ITPKB: variants seen among roughly 807,000 people sequenced by gnomAD.
ITPKB encodes inositol-trisphosphate 3-kinase B, also known as IP3 3-kinase B.
A neutral mutation model predicts 69.4 loss-of-function variants in ITPKB; 13 were observed. That is an observed-to-expected ratio of 0.19 (90% confidence interval 0.12 to 0.30). The LOEUF is 0.30. Ranked by LOEUF, ITPKB falls within the 10% of genes least tolerant of loss-of-function variation. The pLI, the probability that ITPKB is intolerant of heterozygous loss-of-function variation, is 1.00. For synonymous variants in ITPKB, 584 were observed against 513.7 expected (o/e 1.14, Z -1.85); for missense variants, 1,240 against 1,250.5 (o/e 0.99, Z 0.13).
At position 226,634,667 on chromosome 1, in the gene ITPKB, C is replaced by G; in HGVS notation, c.*4G>C. On this transcript the variant is annotated 3_prime_UTR_variant, in exon 8 of 8. Coordinates refer to ENST00000429204, the MANE Select transcript of ITPKB (RefSeq NM_002221.4). The surrounding 1 kb of genome is among the most constrained non-coding windows in gnomAD (Gnocchi z 6.3). ...AGGCGGGGGCCAGGGAGGGCGTGGGCAGCTCAGGCGAGTGGGGCATCCTGG... is the reference window on the plus strand; with the variant it reads ...AGGCGGGGGCCAGGGAGGGCGTGGGGAGCTCAGGCGAGTGGGGCATCCTGG... The G allele has an allele frequency of 1.3e-6, 1 of 795,134 alleles. No homozygotes were observed. The highest frequency in any genetic ancestry group is 2.3e-6 in the Non-Finnish European group (1 of 431,754). The allele number at this position is 795,134 out of a possible 1,614,324, so 49.3% of individuals were successfully genotyped here.
intron 2 of ITPKB, among the ~76,000 whole-genome samples, chr1:226,651,511 T>C (rs1669194091): frequency 6.6e-6 from 1 of 152,134 alleles, no homozygotes; most frequent in African/African-American, 2.4e-5. Context: ...TGAAGTTACT[T>C]CAAGAATGGT....
intron 7 of ITPKB, among the ~76,000 whole-genome samples, chr1:226,636,996 G>T (rs1195870897): frequency 6.6e-6 from 1 of 152,048 alleles, no homozygotes; most frequent in African/African-American, 2.4e-5. Context: ...GTTTGAGTGT[G>T]ATCTGTGAAG....
At chr1:226,652,069 G>GC (rs1669205797) in intron 2 of ITPKB, among the ~76,000 whole-genome samples, 1 of 152,230 alleles carries the variant, frequency 6.6e-6, no homozygotes, top group Non-Finnish European at 1.5e-5. Context: ...AGCACACAGG[G>GC]TTTCCCCATG....
In ITPKB at chr1:226,716,805, T is replaced by A. The variant is rs376277069; in HGVS notation, c.1932+18722A>T. On this transcript the variant is annotated intron_variant, in intron 2 of 7. Coordinates refer to ENST00000429204, the MANE Select transcript of ITPKB (RefSeq NM_002221.4). Reference sequence around the variant, plus strand: ...CGGGGACTGGGTGGAAAGCCTGTGGTCATCTGTCTCCATGAGATGATTTCC... The same window carrying A: ...CGGGGACTGGGTGGAAAGCCTGTGGACATCTGTCTCCATGAGATGATTTCC... Among the ~76,000 whole-genome samples, 32 of 152,318 alleles carry A rather than the reference T, an allele frequency of 2.1e-4. 1 individual carries two copies. In the South Asian group the frequency reaches 6.6e-3, roughly 32 times the overall value.
intron 2 of ITPKB, among the ~76,000 whole-genome samples, chr1:226,661,570 C>T (rs774469207): frequency 6.6e-6 from 1 of 152,232 alleles, no homozygotes. Context: ...GATCCTGCCA[C>T]TCCTGGCTGG....
intron 2 of ITPKB, among the ~76,000 whole-genome samples, chr1:226,702,432 C>T (rs972577751): frequency 9.9e-5 from 15 of 151,432 alleles, no homozygotes; most frequent in Admixed American, 9.2e-4. Flanking sequence ...TTCAACTTGA[C>T]GGCTACCCCT....
At chr1:226,725,546 G>A (rs1273734381) in intron 2 of ITPKB, among the ~76,000 whole-genome samples, 1 of 152,152 alleles carries the variant, frequency 6.6e-6, no homozygotes, top group Non-Finnish European at 1.5e-5. Flanking sequence ...ACCACTCAAG[G>A]TACTGGAAAA....
Position 226,644,708 on chromosome 1 carries a change from G to A in ITPKB, c.2246+2459C>T, listed in dbSNP as rs551878457. On this transcript the variant is annotated intron_variant, in intron 4 of 7. Transcript: ENST00000429204. ...CCATGCCCAGCATTGTTTGGTGACC[G>A]GCCCTTCCCTTTCTCTGTGACATGT... 2.0e-5 allele frequency among the ~76,000 whole-genome samples: 3 copies of A among 152,284 alleles called. No individual in the cohort carries two copies. The East Asian group carries it at 5.8e-4, about 29-fold the overall frequency.
chr1:226,736,355 G>A lies in ITPKB; in HGVS notation c.1104C>T (p.Pro368=), dbSNP rs1657761376. 1.9e-6 allele frequency: 3 copies of A among 1,612,466 alleles called. No individual in the cohort carries two copies. Among genetic ancestry groups the A allele is most frequent in the African/African-American group, 1.3e-5 (1 of 74,896 alleles). ...PERGGPRDGE[P]PGKMGKGYLP... Reference sequence around the variant, plus strand: ...GATATCCTTTCCCCATCTTCCCAGGGGGTTCTCCATCGCGGGGCCCGCCCC... The same window carrying A: ...GATATCCTTTCCCCATCTTCCCAGGAGGTTCTCCATCGCGGGGCCCGCCCC... The change falls in exon 2 of 8, where the codon CCC becomes CCT. Residue 368 remains proline (P), a synonymous_variant. Coordinates refer to ENST00000429204, the MANE Select transcript of ITPKB (RefSeq NM_002221.4).
intron 2 of ITPKB, among the ~76,000 whole-genome samples, chr1:226,706,435 C>G (rs532022319): frequency 6.6e-6 from 1 of 152,166 alleles, no homozygotes; most frequent in Non-Finnish European, 1.5e-5. Context: ...ATCAACAAGT[C>G]TTTGGGTTCC....
At chr1:226,639,123 TCTCAG>T (rs1401309364) in intron 6 of ITPKB, among the ~76,000 whole-genome samples, 1 of 143,518 alleles carries the variant, frequency 7.0e-6, no homozygotes, top group Non-Finnish European at 1.5e-5. Flanking sequence ...AATGGCAAAA[TCTCAG>T]CTCACTGCAA....
chr1:226,696,300 T>C (rs562203283), intron 2 of ITPKB, among the ~76,000 whole-genome samples: 9 of 151,418 alleles, frequency 5.9e-5, no homozygotes, highest in Non-Finnish European at 1.3e-4. Flanking sequence ...CACATATATA[T>C]ACACATATAT....
In ITPKB at chr1:226,707,588, T is replaced by G. The variant is rs183363845; in HGVS notation, c.1932+27939A>C. 34 of 986,784 alleles carry G rather than the reference T, an allele frequency of 3.4e-5. No individual in the cohort carries two copies. The African/African-American group carries it at 5.1e-4, about 15-fold the overall frequency. 61.1% of individuals were successfully genotyped at this position (986,784 alleles called of 1,614,324 possible). ...CTTACTATATAAAATGCCATCAACATGTTCGGGCAGTGGGGGCTCAATGGG... is the reference window on the plus strand; with the variant it reads ...CTTACTATATAAAATGCCATCAACAGGTTCGGGCAGTGGGGGCTCAATGGG... On this transcript the variant is annotated intron_variant, in intron 2 of 7. Coordinates refer to ENST00000429204, the MANE Select transcript of ITPKB (RefSeq NM_002221.4).
intron 5 of ITPKB, 93 bp from the exon 6 acceptor site, chr1:226,639,751 C>T (rs1668915874): frequency 4.7e-6 from 4 of 849,722 alleles, no homozygotes; most frequent in Non-Finnish European, 8.0e-6. Flanking sequence ...AGCAGGCGAG[C>T]CCCATCTGAA....
At position 226,736,329 on chromosome 1, in the gene ITPKB, A is replaced by G; in HGVS notation, c.1130T>C (p.Leu377Pro). The G allele has an allele frequency of 4.3e-6, 7 of 1,612,308 alleles. No homozygotes were observed. The highest frequency in any genetic ancestry group is 5.9e-6 in the Non-Finnish European group (7 of 1,179,510). The change falls in exon 2 of 8, where the codon CTG becomes CCG. Residue 377 changes from leucine (L) to proline (P), a missense_variant. By Grantham distance (98) the Leu-to-Pro change is moderately conservative. This residue lies in a region of ITPKB where 992 missense variants were observed against 853.8 expected (regional missense o/e 1.16). Transcript: ENST00000429204. ...CCCAGAGCCCGGCATGCCACAGGGC[A>G]GATATCCTTTCCCCATCTTCCCAGG... Reference protein sequence around the residue: ...EPPGKMGKGYLPCGMPGSGEP... With the variant: ...EPPGKMGKGYPPCGMPGSGEP...
At chr1:226,635,382 G>A (rs769016808) in intron 7 of ITPKB, among the ~76,000 whole-genome samples, 21 of 152,022 alleles carry the variant, frequency 1.4e-4, no homozygotes, top group Non-Finnish European at 2.8e-4. Flanking sequence ...CACGATGCCC[G>A]GCTAACTTTT....
At chr1:226,699,633 G>A (rs1485085253) in intron 2 of ITPKB, among the ~76,000 whole-genome samples, 11 of 152,148 alleles carry the variant, frequency 7.2e-5, no homozygotes, top group East Asian at 5.8e-4. Context: ...TTCAATGAAC[G>A]TTAGTCAGTA....
At chr1:226,703,486 CCT>C (rs1656723029) in intron 2 of ITPKB, among the ~76,000 whole-genome samples, 2 of 152,210 alleles carry the variant, frequency 1.3e-5, no homozygotes, top group African/African-American at 2.4e-5. Context: ...GGTTTCTTCC[CCT>C]GTCGCTGCCC....
chr1:226,731,126 G>A (rs923759403), intron 2 of ITPKB, among the ~76,000 whole-genome samples: 1 of 152,156 alleles, frequency 6.6e-6, no homozygotes, highest in African/African-American at 2.4e-5. Flanking sequence ...GATAAGACAA[G>A]GTCTTTGAAG....
Sources: gnomAD v4.1 joint callset for allele counts (sites outside exome capture counted in the v4.1 genomes callset) on GRCh38, gnomAD v4.1.1 for gene constraint, gnomAD v4.1.1 regional missense constraint, Gnocchi (gnomAD v3.1) non-coding constraint, MANE v1.5 for transcripts, NCBI Gene and HGNC (gene_info 2026-07-23, HGNC 2026-07-21) for gene names.